The following KAZN variants were observed in gnomAD, a reference collection of about 807,000 sequenced individuals.
The protein encoded by KAZN is kazrin.
A neutral mutation model predicts 87.4 loss-of-function variants in KAZN; 40 were observed. The ratio of observed to expected loss-of-function variants is 0.46; its 90% CI spans 0.36 to 0.60. The LOEUF is 0.60. KAZN is among the 20% of genes least tolerant of loss of function. The pLI is 0.00. For missense variants in KAZN, 898 were observed against 1,073.9 expected (o/e 0.84, Z 2.29); for synonymous variants, 466 against 458.3 (o/e 1.02, Z -0.22).
At chr1:14,005,881 A>G (rs949228247) in intron 1 of KAZN, among the ~76,000 whole-genome samples, 4 of 152,274 alleles carry the variant, frequency 2.6e-5, no homozygotes, top group African/African-American at 9.6e-5. Context: ...CAGATCCTGG[A>G]TGAGCAAACA....
intron 2 of KAZN, among the ~76,000 whole-genome samples, chr1:14,229,937 C>T (rs1647652637): frequency 6.6e-6 from 1 of 152,202 alleles, no homozygotes; most frequent in Admixed American, 6.5e-5. Flanking sequence ...CGAATATGTT[C>T]CCTACATTAT....
chr1:14,166,463 A>G (rs919869835), intron 1 of KAZN, among the ~76,000 whole-genome samples: 5 of 152,198 alleles, frequency 3.3e-5, no homozygotes, highest in African/African-American at 1.2e-4. Context: ...CAAGTTTCTC[A>G]TCTATGAAAT....
At chr1:14,143,744 AT>A (rs1645289291) in intron 1 of KAZN, among the ~76,000 whole-genome samples, 1 of 150,712 alleles carries the variant, frequency 6.6e-6, no homozygotes, top group African/African-American at 2.4e-5. Context: ...TTGAGACAGG[AT>A]CTTGCTCTGT....
intron 2 of KAZN, among the ~76,000 whole-genome samples, chr1:14,571,209 G>A (rs1015105429): frequency 2.7e-5 from 4 of 150,782 alleles, no homozygotes; most frequent in African/African-American, 9.8e-5. Flanking sequence ...AGAACTGTGA[G>A]CACAGTCAAT....
At chr1:14,170,729 T>TG (rs1367774226) in intron 1 of KAZN, among the ~76,000 whole-genome samples, 1 of 23,822 alleles carries the variant, frequency 4.2e-5, no homozygotes, top group South Asian at 1.2e-3. Flanking sequence ...TCTGTAATTA[T>TG]TTTTTTTTCT....
chr1:13,981,712 C>A (rs1242490213), intron 1 of KAZN, among the ~76,000 whole-genome samples: 1 of 152,212 alleles, frequency 6.6e-6, no homozygotes, highest in Non-Finnish European at 1.5e-5. Flanking sequence ...AGAACTTTCA[C>A]CTCCAGCGTA....
rs140631818 is a variant in KAZN at position 14,470,560 on chromosome 1, A to T, written c.250-128423A>T. Among the ~76,000 whole-genome samples, 7 of 152,374 alleles carry T rather than the reference A, an allele frequency of 4.6e-5. No individual in the cohort carries two copies. In the East Asian group the frequency reaches 1.3e-3, roughly 29 times the overall value. On this transcript the variant is annotated intron_variant, in intron 2 of 16. Transcript: ENST00000636203. ...GTTTTTTCTCTTAGATAGAAGAGCC[A>T]CATTAGCCAACAATTTGGACCCTAT... is the stretch of plus-strand genomic sequence containing the variant.
intron 2 of KAZN, among the ~76,000 whole-genome samples, chr1:14,452,588 G>A (rs965593912): frequency 6.6e-6 from 1 of 152,166 alleles, no homozygotes; most frequent in Non-Finnish European, 1.5e-5. Context: ...ATTTGGCTGA[G>A]GCAGGACCTT....
At chr1:14,215,964 C>T (rs1296658021) in intron 2 of KAZN, among the ~76,000 whole-genome samples, 1 of 152,082 alleles carries the variant, frequency 6.6e-6, no homozygotes, top group Admixed American at 6.6e-5. Context: ...ATTTGTATTA[C>T]TATATCAATA....
chr1:14,396,762 G>A (rs1225686365), intron 2 of KAZN, among the ~76,000 whole-genome samples: 1 of 152,150 alleles, frequency 6.6e-6, no homozygotes, highest in Non-Finnish European at 1.5e-5. Context: ...TAAATGCAGG[G>A]GAATAAGCCA....
chr1:14,505,849 CT>C (rs1156986392), intron 2 of KAZN, among the ~76,000 whole-genome samples: 2 of 152,160 alleles, frequency 1.3e-5, no homozygotes, highest in Non-Finnish European at 2.9e-5. Flanking sequence ...CGGCATGATC[CT>C]GTAGTCCCAG....
chr1:14,042,765 A>G (rs1641895695), intron 1 of KAZN, among the ~76,000 whole-genome samples: 1 of 152,190 alleles, frequency 6.6e-6, no homozygotes, highest in Non-Finnish European at 1.5e-5. Context: ...ACTCCTTTGT[A>G]TAGTAAAGTA....
intron 2 of KAZN, among the ~76,000 whole-genome samples, chr1:15,016,864 G>T (rs989796735): frequency 6.6e-6 from 1 of 152,166 alleles, no homozygotes; most frequent in African/African-American, 2.4e-5. Flanking sequence ...CACGCCACCG[G>T]CGGCCCAGGA....
intron 1 of KAZN, among the ~76,000 whole-genome samples, chr1:13,901,368 A>C (rs1383066666): frequency 6.6e-6 from 1 of 152,204 alleles, no homozygotes; most frequent in Non-Finnish European, 1.5e-5. Flanking sequence ...ATCCCGGAGG[A>C]AGCAGTTTAA....
Position 14,123,802 on chromosome 1 carries a change from G to A in KAZN, c.92-56633G>A, listed in dbSNP as rs554671173. The stretch of plus-strand genomic sequence containing the variant: ...CCCAGTGGGCCTATATTATCTATGG[G>A]TCAAACACACACCCCTGGTCTCAGT... On this transcript the variant is annotated intron_variant, in intron 1 of 16. Transcript: ENST00000636203. 3.3e-5 allele frequency among the ~76,000 whole-genome samples: 5 copies of A among 151,942 alleles called. No individual in the cohort carries two copies. In the South Asian group the frequency reaches 8.4e-4, roughly 25 times the overall value.
intron 1 of KAZN, among the ~76,000 whole-genome samples, chr1:14,159,565 C>T (rs114990258): frequency 0.027 from 4,101 of 152,334 alleles, 183 homozygotes; most frequent in African/African-American, 0.093. Flanking sequence ...AGTTCTGGAA[C>T]TGGGTCACCA....
In KAZN at chr1:14,022,485, C is replaced by CAAAA. The variant is rs58713618; in HGVS notation, c.91+128755_91+128758dup. 6.3e-4 allele frequency among the ~76,000 whole-genome samples: 70 copies of CAAAA among 110,480 alleles called. 1 individual carries two copies. Among genetic ancestry groups the CAAAA allele is most frequent in the African/African-American group, 1.8e-3 (55 of 30,492 alleles). 72.5% of individuals were successfully genotyped at this position (110,480 alleles called of 152,430 possible). A position where few individuals can be genotyped will look rare whatever the true frequency, so the allele number is the denominator to read the frequency against. On this transcript the variant is annotated intron_variant, in intron 1 of 16. Transcript: ENST00000636203. ...CATTATAGCTTTCACGTATTTAAAG[C>CAAAA]AAAAAAAAAAAAAAAAAAAAAAAAA...
intron 1 of KAZN, among the ~76,000 whole-genome samples, chr1:14,660,190 G>A (rs1267870570): frequency 1.3e-5 from 2 of 152,160 alleles, no homozygotes; most frequent in African/African-American, 4.8e-5. Flanking sequence ...AACTGCCCGT[G>A]CCCGAACACA....
intron 1 of KAZN, among the ~76,000 whole-genome samples, chr1:14,902,094 G>A (rs996443017): frequency 6.6e-6 from 1 of 152,200 alleles, no homozygotes; most frequent in Non-Finnish European, 1.5e-5. Context: ...CAGGAGTCCC[G>A]TGCTAACACA....
Sources: allele counts gnomAD v4.1 joint callset (sites outside exome capture counted in the v4.1 genomes callset), GRCh38; gene constraint gnomAD v4.1.1; transcripts MANE v1.5; gene names NCBI Gene and HGNC (gene_info 2026-07-23, HGNC 2026-07-21).